EFCAB14: variants seen among roughly 807,000 people sequenced by gnomAD.
The protein encoded by EFCAB14 is EF-hand calcium binding domain 14, also known as EF-hand calcium-binding domain-containing protein 14.
EFCAB14 carries 43 observed loss-of-function variants against 56.5 expected under a neutral mutation model. The observed-to-expected ratio is 0.76, with a 90% CI of 0.60 to 0.98. EFCAB14 has a LOEUF of 0.98. Ranked by LOEUF, EFCAB14 falls within the 50% of genes least tolerant of loss-of-function variation. The pLI is 0.00. For synonymous variants in EFCAB14, 235 were observed against 212.9 expected (o/e 1.10, Z -0.90); for missense variants, 538 against 580.3 (o/e 0.93, Z 0.75).
In EFCAB14 at chr1:46,678,654, C is replaced by T. The variant is rs757527149; in HGVS notation, c.1313-18G>A. Reference sequence around the variant, plus strand: ...CTGAAGATCTGTCAAAAATGAATTACAAAAAATGTATACGTCTAAACATAC... The same window carrying T: ...CTGAAGATCTGTCAAAAATGAATTATAAAAAATGTATACGTCTAAACATAC... On this transcript the variant is annotated intron_variant, in intron 10 of 10. Coordinates refer to ENST00000371933, the MANE Select transcript of EFCAB14 (RefSeq NM_014774.3). 21 of 1,595,390 alleles carry T rather than the reference C, an allele frequency of 1.3e-5. No individual in the cohort carries two copies. In the Admixed American group the frequency reaches 3.5e-4, roughly 26 times the overall value.
At position 46,683,288 on chromosome 1, in the gene EFCAB14, A is replaced by G; in HGVS notation, c.1312+12T>C. 6.2e-7 allele frequency: 1 copy of G among 1,610,822 alleles called. No homozygotes were observed. Among genetic ancestry groups the G allele is most frequent in the Non-Finnish European group, 8.5e-7 (1 of 1,179,070 alleles). On this transcript the variant is annotated intron_variant, in intron 10 of 10. Transcript: ENST00000371933. ...AACATTCCCATTACTACCCCGTGGT[A>G]TAAAAATTTACCTTCAGTGCTAGAA...
intron 10 of EFCAB14, among the ~76,000 whole-genome samples, chr1:46,681,553 A>G (rs755068165): frequency 5.3e-5 from 8 of 152,238 alleles, no homozygotes; most frequent in Non-Finnish European, 1.2e-4. Flanking sequence ...CACTCCTACA[A>G]TAGGTGCAGC....
Position 46,686,842 on chromosome 1 carries a change from CT to C in EFCAB14, c.1015del (p.Arg339AspfsTer14). The C allele has an allele frequency of 6.2e-7, 1 of 1,613,758 alleles. No homozygotes were observed. Among genetic ancestry groups the C allele is most frequent in the Middle Eastern group, 1.7e-4 (1 of 6,060 alleles). ...GTTGGTGACTTGATCCAAAGACTGT[CT>C]TTTCAGAGTGGCAGATCTATCACCC... ...MMGDRSATLK[R>X]QSLDQVTNRT... On this transcript the variant is annotated frameshift_variant, in exon 8 of 11. Transcript: ENST00000371933. LOFTEE classifies it high-confidence loss of function.
intron 3 of EFCAB14, among the ~76,000 whole-genome samples, chr1:46,703,580 T>C (rs1384691156): frequency 7.2e-5 from 11 of 152,160 alleles, no homozygotes. Flanking sequence ...ATTTTTTCCA[T>C]AGGGAACATC....
chr1:46,711,019 T>C (rs1677300893), intron 2 of EFCAB14, among the ~76,000 whole-genome samples: 2 of 152,244 alleles, frequency 1.3e-5, no homozygotes, highest in Admixed American at 6.5e-5. Flanking sequence ...GTATATATAC[T>C]ACATTTTCTT....
chr1:46,679,382 C>A (rs1676751809), intron 10 of EFCAB14, among the ~76,000 whole-genome samples: 1 of 152,152 alleles, frequency 6.6e-6, no homozygotes, highest in Non-Finnish European at 1.5e-5. Flanking sequence ...TTCACTGCAA[C>A]CTCTGCCTCC....
At chr1:46,688,272 G>C in intron 7 of EFCAB14, 81 bp downstream of exon 7, 1 of 1,349,372 alleles carries the variant, frequency 7.4e-7, no homozygotes, top group Non-Finnish European at 1.0e-6. Context: ...ATGCCAGAAG[G>C]CTGTTCTCAA....
intron 5 of EFCAB14, among the ~76,000 whole-genome samples, chr1:46,690,874 T>C (rs1025345273): frequency 9.2e-5 from 14 of 151,818 alleles, no homozygotes; most frequent in Non-Finnish European, 4.4e-5. Flanking sequence ...CAATTTAAAC[T>C]TGAAATTCTG....
rs891768090 is a variant in EFCAB14 at position 46,676,775 on chromosome 1, T to A, written c.*1686A>T. ...AGCTATAATGAGATAAGGGGACACA[T>A]TCATGGGAAAAGACTTCATCTTGCT... On this transcript the variant is annotated 3_prime_UTR_variant, in exon 11 of 11. Transcript: ENST00000371933. 1 of 152,556 alleles carries A rather than the reference T, an allele frequency of 6.6e-6. No homozygotes were observed. Among genetic ancestry groups the A allele is most frequent in the Non-Finnish European group, 1.5e-5 (1 of 68,042 alleles). The allele number at this position is 152,556 out of a possible 1,614,324, so 9.5% of individuals were successfully genotyped here. A position where few individuals can be genotyped will look rare whatever the true frequency, so the allele number is the denominator to read the frequency against.
At chr1:46,709,136 A>C (rs1042498474) in intron 2 of EFCAB14, among the ~76,000 whole-genome samples, 2 of 152,204 alleles carry the variant, frequency 1.3e-5, no homozygotes, top group Non-Finnish European at 2.9e-5. Context: ...CTACACTTAG[A>C]ACACTCCTGA....
chr1:46,683,468 A>T (rs1676829312), intron 9 of EFCAB14, 43 bp from the exon 10 acceptor site: 1 of 1,585,220 alleles, frequency 6.3e-7, no homozygotes, highest in African/African-American at 1.4e-5. Flanking sequence ...TATTGAATCT[A>T]ACACCAAATT....
intron 8 of EFCAB14, among the ~76,000 whole-genome samples, chr1:46,685,858 T>A (rs1471609742): frequency 6.6e-6 from 1 of 152,216 alleles, no homozygotes; most frequent in African/African-American, 2.4e-5. Context: ...CAGAAGCAGT[T>A]AGAAAACTCA....
At chr1:46,707,884 G>C in intron 3 of EFCAB14, 22 bp downstream of exon 3, 1 of 1,602,274 alleles carries the variant, frequency 6.2e-7, no homozygotes, top group Non-Finnish European at 8.5e-7. Context: ...AGCTTACACA[G>C]CAAAAATCAA....
intron 3 of EFCAB14, among the ~76,000 whole-genome samples, chr1:46,696,867 C>T (rs1411654424): frequency 6.6e-6 from 1 of 152,146 alleles, no homozygotes; most frequent in African/African-American, 2.4e-5. Flanking sequence ...CCAATTTGAA[C>T]ACTAGTGTCA....
At chr1:46,703,855 C>T (rs970635834) in intron 3 of EFCAB14, among the ~76,000 whole-genome samples, 2 of 152,094 alleles carry the variant, frequency 1.3e-5, no homozygotes, top group Admixed American at 1.3e-4. Flanking sequence ...TGCAAAAGTG[C>T]CACAAGTATA....
intron 3 of EFCAB14, among the ~76,000 whole-genome samples, chr1:46,702,376 A>G (rs1677170900): frequency 6.6e-6 from 1 of 152,234 alleles, no homozygotes; most frequent in South Asian, 2.1e-4. Context: ...TTTCAGCTTT[A>G]TCTACTGAGC....
At chr1:46,694,756 T>C (rs1456724498) in intron 4 of EFCAB14, among the ~76,000 whole-genome samples, 3 of 152,156 alleles carry the variant, frequency 2.0e-5, no homozygotes, top group Non-Finnish European at 4.4e-5. Context: ...ATAAATCATG[T>C]TGCTATAAAG....
rs138827416 is a variant in EFCAB14, at chr1:46,696,525, T to A, written c.579+26A>T. The A allele has an allele frequency of 4.2e-5, 67 of 1,600,556 alleles. No individual in the cohort carries two copies. In the East Asian group the frequency reaches 1.5e-3, roughly 35 times the overall value. ...CACACATGGCACCTACCTTCTGAAGTCTCTGTACCCACACATGGCACCTAC... is the reference window on the plus strand; with the variant it reads ...CACACATGGCACCTACCTTCTGAAGACTCTGTACCCACACATGGCACCTAC... On this transcript the variant is annotated intron_variant, in intron 4 of 10. Transcript: ENST00000371933.
intron 2 of EFCAB14, 24 bp downstream of exon 2, chr1:46,716,271 A>G: frequency 6.5e-7 from 1 of 1,530,980 alleles, no homozygotes; most frequent in African/African-American, 1.4e-5. Flanking sequence ...AAAAAAAAAA[A>G]AAAGAGAGTA....
Sources: gnomAD v4.1 joint callset for allele counts (sites outside exome capture counted in the v4.1 genomes callset) on GRCh38, gnomAD v4.1.1 for gene constraint, MANE v1.5 for transcripts, NCBI Gene and HGNC (gene_info 2026-07-23, HGNC 2026-07-21) for gene names.